Variants in ANKRD12 observed in about 807,000 individuals in gnomAD.
ANKRD12 encodes the protein ankyrin repeat domain 12.
A neutral mutation model predicts 183.4 loss-of-function variants in ANKRD12; 85 were observed. The observed-to-expected ratio is 0.46, with a 90% CI of 0.39 to 0.56. The LOEUF (loss-of-function observed/expected upper bound fraction) is 0.56. Among genes scored for constraint, ANKRD12 ranks in the 20% least tolerant of loss-of-function variants. The pLI, the probability that ANKRD12 is intolerant of heterozygous loss-of-function variation, is 0.00. For synonymous variants in ANKRD12, 914 were observed against 800.2 expected (o/e 1.14, Z -2.40); for missense variants, 2,405 against 2,357.1 (o/e 1.02, Z -0.42).
chr18:9,255,885 T>A lies in ANKRD12; in HGVS notation c.2618T>A (p.Leu873Gln), dbSNP rs1168718884. ...CVDKIKEKDK[L>Q]YSHHTEKCHK... ...GATAAAATAAAAGAAAAGGACAAGC[T>A]ATATTCGCATCACACAGAAAAATGC... The change falls in exon 9 of 13, where the codon CTA becomes CAA. Residue 873 changes from leucine (L) to glutamine (Q), a missense_variant. This residue lies in a region of ANKRD12 where 1,983 missense variants were observed against 1,725.9 expected (regional missense o/e 1.15). Coordinates refer to ENST00000262126, the MANE Select transcript of ANKRD12 (RefSeq NM_015208.5). 6.3e-7 allele frequency: 1 copy of A among 1,595,606 alleles called. No homozygotes were observed. The highest frequency in any genetic ancestry group is 2.2e-5 in the East Asian group (1 of 44,472).
At chr18:9,154,409 C>T (rs1445082628) in intron 1 of ANKRD12, among the ~76,000 whole-genome samples, 1 of 152,106 alleles carries the variant, frequency 6.6e-6, no homozygotes, top group Non-Finnish European at 1.5e-5. Flanking sequence ...GAGATCCTGT[C>T]TCAATAAATG....
At chr18:9,138,322 G>T (rs1002995233) in intron 1 of ANKRD12, among the ~76,000 whole-genome samples, 3 of 152,176 alleles carry the variant, frequency 2.0e-5, no homozygotes, top group Non-Finnish European at 4.4e-5. Context: ...AGACCAGCCT[G>T]ACCAATATAG....
At chr18:9,279,731 A>G (rs1299992120) in intron 12 of ANKRD12, 87 bp downstream of exon 12, 4 of 746,032 alleles carry the variant, frequency 5.4e-6, no homozygotes, top group Non-Finnish European at 8.8e-6. Flanking sequence ...GGGAGAAATA[A>G]TTAGGAGGGG....
At chr18:9,244,152 A>G (rs543354739) in intron 8 of ANKRD12, among the ~76,000 whole-genome samples, 4 of 152,194 alleles carry the variant, frequency 2.6e-5, no homozygotes, top group East Asian at 1.9e-4. Context: ...TGAATGAATG[A>G]AAGTGTCTCT....
chr18:9,186,544 G>A (rs1021278127), intron 2 of ANKRD12, among the ~76,000 whole-genome samples: 1 of 152,096 alleles, frequency 6.6e-6, no homozygotes, highest in African/African-American at 2.4e-5. Context: ...AAAAGCTGTT[G>A]TTAGAAGTAT....
intron 8 of ANKRD12, among the ~76,000 whole-genome samples, chr18:9,231,070 T>C (rs568690712): frequency 8.5e-5 from 13 of 152,186 alleles, no homozygotes; most frequent in Non-Finnish European, 1.5e-4. Flanking sequence ...TGTATTTGTA[T>C]AGTGTTCAAA....
chr18:9,272,786 G>A (rs1040929490), intron 10 of ANKRD12, among the ~76,000 whole-genome samples: 1 of 151,894 alleles, frequency 6.6e-6, no homozygotes, highest in African/African-American at 2.4e-5. Context: ...TTTGAATATC[G>A]TTTGTCATAT....
intron 8 of ANKRD12, among the ~76,000 whole-genome samples, chr18:9,250,891 A>G (rs2038253111): frequency 1.3e-5 from 2 of 152,344 alleles, no homozygotes; most frequent in East Asian, 3.9e-4. Context: ...GCAGTTGTGG[A>G]AGGAAAAGTA....
intron 4 of ANKRD12, among the ~76,000 whole-genome samples, chr18:9,206,068 T>A (rs1309423182): frequency 6.6e-6 from 1 of 152,130 alleles, no homozygotes; most frequent in East Asian, 1.9e-4. Flanking sequence ...TATCTGAAGA[T>A]CCTCTAAACC....
intron 2 of ANKRD12, among the ~76,000 whole-genome samples, chr18:9,189,686 T>C (rs911556916): frequency 3.3e-5 from 5 of 152,222 alleles, no homozygotes; most frequent in Non-Finnish European, 5.9e-5. Context: ...GCCTGTACCT[T>C]ATCAATGGAA....
At chr18:9,202,615 A>G (rs2035240663) in intron 3 of ANKRD12, among the ~76,000 whole-genome samples, 1 of 152,222 alleles carries the variant, frequency 6.6e-6, no homozygotes, top group Non-Finnish European at 1.5e-5. Context: ...TTAAAATACA[A>G]GTGTCACTTG....
chr18:9,221,814 G>A, intron 7 of ANKRD12, 38 bp from the exon 8 acceptor site: 1 of 1,608,184 alleles, frequency 6.2e-7, no homozygotes, highest in Non-Finnish European at 8.5e-7. Flanking sequence ...ATAACAATCT[G>A]TGAAGGGACT....
At chr18:9,269,966 A>G (rs1045267154) in intron 10 of ANKRD12, among the ~76,000 whole-genome samples, 1 of 152,236 alleles carries the variant, frequency 6.6e-6, no homozygotes, top group Admixed American at 6.5e-5. Flanking sequence ...ATGAACAGAC[A>G]CTTCTCAAAA....
chr18:9,211,550 C>T (rs775805789), intron 5 of ANKRD12, 34 bp from the exon 6 acceptor site: 3 of 1,573,356 alleles, frequency 1.9e-6, no homozygotes, highest in Non-Finnish European at 2.6e-6. Context: ...AATATTTAGC[C>T]TAGAACTTCT....
chr18:9,268,231 C>T (rs1388080000), intron 10 of ANKRD12, among the ~76,000 whole-genome samples: 8 of 152,060 alleles, frequency 5.3e-5, no homozygotes, highest in Non-Finnish European at 1.2e-4. Context: ...CTATTCCAAT[C>T]AATAGAAAAA....
intron 6 of ANKRD12, among the ~76,000 whole-genome samples, chr18:9,216,525 G>T (rs1301992419): frequency 2.0e-5 from 3 of 152,274 alleles, no homozygotes; most frequent in South Asian, 2.1e-4. Flanking sequence ...CTGCATGGGG[G>T]TTAACACCCC....
chr18:9,216,557 G>T (rs1338219250), intron 6 of ANKRD12, among the ~76,000 whole-genome samples: 1 of 152,120 alleles, frequency 6.6e-6, no homozygotes, highest in Non-Finnish European at 1.5e-5. Context: ...TTGTTCAAGG[G>T]TCAACTGTAA....
At chr18:9,206,750 T>C (rs2035510200) in intron 4 of ANKRD12, among the ~76,000 whole-genome samples, 1 of 152,116 alleles carries the variant, frequency 6.6e-6, no homozygotes. Flanking sequence ...CAGCATGGCA[T>C]TCTAATGATG....
chr18:9,193,850 G>A (rs962070499), intron 2 of ANKRD12, among the ~76,000 whole-genome samples: 2 of 152,152 alleles, frequency 1.3e-5, no homozygotes, highest in African/African-American at 4.8e-5. Flanking sequence ...TCAGTATGAA[G>A]CACATTTCTC....
Sources: allele counts gnomAD v4.1 joint callset (sites outside exome capture counted in the v4.1 genomes callset), GRCh38; gene constraint gnomAD v4.1.1; regional missense constraint gnomAD v4.1.1; transcripts MANE v1.5; gene names NCBI Gene and HGNC (gene_info 2026-07-23, HGNC 2026-07-21).